GRIK4: variants seen among roughly 807,000 people sequenced by gnomAD.
GRIK4 encodes the protein glutamate ionotropic receptor kainate type subunit 4.
A neutral mutation model predicts 104.9 loss-of-function variants in GRIK4; 40 were observed. The observed-to-expected ratio is 0.38, with a 90% confidence interval of 0.30 to 0.50. The LOEUF is 0.50. GRIK4 is among the 20% of genes least tolerant of loss of function. The pLI is 0.93. For synonymous variants in GRIK4, 485 were observed against 524.9 expected, an observed-to-expected ratio of 0.92 and a Z score of 1.04; for missense variants, 1,047 against 1,308.1, an observed-to-expected ratio of 0.80 and a Z score of 3.08.
At chr11:120,817,866 G>T (rs925366025) in intron 5 of GRIK4, among the ~76,000 whole-genome samples, 1 of 152,182 alleles carries the variant, frequency 6.6e-6, no homozygotes, top group Non-Finnish European at 1.5e-5. Context: ...CCTACATTTG[G>T]GGAGGAAGGA....
At chr11:120,943,774 A>G (rs893233162) in intron 14 of GRIK4, among the ~76,000 whole-genome samples, 3 of 152,328 alleles carry the variant, frequency 2.0e-5, no homozygotes, top group South Asian at 2.1e-4. Flanking sequence ...TCTGGTGGCA[A>G]TCAAACCTGT....
chr11:120,601,807 G>A (rs997020270), intron 1 of GRIK4, among the ~76,000 whole-genome samples: 14 of 152,102 alleles, frequency 9.2e-5, no homozygotes, highest in African/African-American at 3.1e-4. Context: ...AATGGGAACA[G>A]AAGTGAGCTG....
intron 11 of GRIK4, among the ~76,000 whole-genome samples, chr11:120,891,291 A>C (rs1215532778): frequency 6.6e-6 from 1 of 152,216 alleles, no homozygotes; most frequent in African/African-American, 2.4e-5. Context: ...GACTTGGCAA[A>C]GTTCATTTCA....
At chr11:120,571,597 A>T (rs1290489893) in intron 1 of GRIK4, among the ~76,000 whole-genome samples, 1 of 151,838 alleles carries the variant, frequency 6.6e-6, no homozygotes, top group East Asian at 1.9e-4. Context: ...CTATGATTCT[A>T]ACTCCTCCTC....
At chr11:120,786,426 G>T (rs1209698658) in intron 3 of GRIK4, among the ~76,000 whole-genome samples, 3 of 152,152 alleles carry the variant, frequency 2.0e-5, no homozygotes, top group Non-Finnish European at 4.4e-5. Flanking sequence ...TAACCCATTG[G>T]ACAGCTTTTT....
intron 9 of GRIK4, among the ~76,000 whole-genome samples, chr11:120,863,142 G>T (rs1488978217): frequency 6.6e-6 from 1 of 152,212 alleles, no homozygotes; most frequent in East Asian, 1.9e-4. Flanking sequence ...TACTGTAATT[G>T]AGCCTGGCTA....
At chr11:120,778,421 A>G (rs1177115629) in intron 3 of GRIK4, among the ~76,000 whole-genome samples, 1 of 152,242 alleles carries the variant, frequency 6.6e-6, no homozygotes, top group African/African-American at 2.4e-5. Flanking sequence ...CTTATAGACA[A>G]GGTGAGATGA....
rs1955328302 is a variant in GRIK4, at chr11:120,892,345, G to A, written c.1165-6187G>A. On this transcript the variant is annotated intron_variant, in intron 11 of 20. Coordinates refer to ENST00000527524, the MANE Select transcript of GRIK4 (RefSeq NM_014619.5). The stretch of plus-strand genomic sequence containing the variant: ...AAGCCAACATGGGAAAGAATTGAAG[G>A]GTTTTAAGCAGGGACTGGCGTGTAT... Among the ~76,000 whole-genome samples the A allele has an allele frequency of 3.3e-5, 5 of 152,270 alleles. No homozygotes were observed. The South Asian group carries it at 1.0e-3, about 32-fold the overall frequency.
intron 7 of GRIK4, among the ~76,000 whole-genome samples, chr11:120,832,923 C>T (rs1953467721): frequency 6.6e-6 from 1 of 152,202 alleles, no homozygotes; most frequent in Admixed American, 6.5e-5. Context: ...TCCTTGGCGG[C>T]TCCCCCAACC....
At chr11:120,798,787 A>G (rs58190380) in intron 3 of GRIK4, among the ~76,000 whole-genome samples, 9,032 of 152,224 alleles carry the variant, frequency 0.059, 853 homozygotes, top group African/African-American at 0.2. Context: ...CTCTTCTTAT[A>G]AGGACACTGA....
chr11:120,864,367 A>C (rs1179502634), intron 9 of GRIK4, among the ~76,000 whole-genome samples: 1 of 151,882 alleles, frequency 6.6e-6, no homozygotes. Flanking sequence ...CAGCCTCCGG[A>C]GTAGCTGGGA....
chr11:120,670,012 C>T (rs1449453037), intron 3 of GRIK4, among the ~76,000 whole-genome samples: 4 of 152,350 alleles, frequency 2.6e-5, no homozygotes, highest in South Asian at 2.1e-4. Context: ...ACTGTCTACT[C>T]ATTTCATAAA....
intron 14 of GRIK4, among the ~76,000 whole-genome samples, chr11:120,950,328 A>C (rs937389031): frequency 6.6e-6 from 1 of 152,156 alleles, no homozygotes; most frequent in African/African-American, 2.4e-5. Flanking sequence ...CTGTTTTATA[A>C]CTTTGGTCTC....
intron 19 of GRIK4, among the ~76,000 whole-genome samples, chr11:120,978,071 G>T (rs563152406): frequency 6.6e-6 from 1 of 152,164 alleles, no homozygotes; most frequent in Non-Finnish European, 1.5e-5. Flanking sequence ...TGGTAATGCA[G>T]CCCTCTGCAT....
intron 14 of GRIK4, among the ~76,000 whole-genome samples, chr11:120,951,790 C>T (rs1245009441): frequency 6.6e-6 from 1 of 152,186 alleles, no homozygotes; most frequent in Non-Finnish European, 1.5e-5. Flanking sequence ...AAGTTGGACT[C>T]AGTGGTGTTG....
intron 1 of GRIK4, among the ~76,000 whole-genome samples, chr11:120,603,445 G>A (rs988879001): frequency 2.0e-5 from 3 of 152,130 alleles, no homozygotes; most frequent in South Asian, 4.1e-4. Context: ...TCTGCAGTTC[G>A]TTGTTTATTT....
At chr11:120,564,346 G>T (rs1283887680) in intron 1 of GRIK4, 3 of 152,238 alleles carry the variant, frequency 2.0e-5, no homozygotes, top group African/African-American at 7.2e-5. Flanking sequence ...GTGTGCGCTC[G>T]CGGGGAGGGG....
intron 12 of GRIK4, among the ~76,000 whole-genome samples, chr11:120,901,958 A>C (rs927552752): frequency 6.6e-6 from 1 of 152,162 alleles, no homozygotes; most frequent in Non-Finnish European, 1.5e-5. Flanking sequence ...TCAAACAACT[A>C]TTAGCCTTGG....
intron 6 of GRIK4, among the ~76,000 whole-genome samples, chr11:120,820,512 TTA>T (rs1413519233): frequency 6.6e-6 from 1 of 152,168 alleles, no homozygotes; most frequent in African/African-American, 2.4e-5. Flanking sequence ...AATTTAGTGT[TTA>T]TGAGATTTAG....
Sources: allele counts gnomAD v4.1 joint callset (sites outside exome capture counted in the v4.1 genomes callset), GRCh38; gene constraint gnomAD v4.1.1; transcripts MANE v1.5; gene names NCBI Gene and HGNC (gene_info 2026-07-23, HGNC 2026-07-21).